Variants in CWF19L1 observed in about 807,000 individuals in gnomAD.
CWF19L1 encodes the protein CWF19 like cell cycle control factor 1.
In CWF19L1, 60 loss-of-function variants were observed where a neutral mutation model predicts 69.7. The observed-to-expected ratio is 0.86, with a 90% confidence interval of 0.70 to 1.07. The LOEUF (loss-of-function observed/expected upper bound fraction) is 1.07, where lower values mean the gene tolerates loss of function less well. CWF19L1 is among the 50% of genes least tolerant of loss of function. CWF19L1 has a pLI of 0.00. For synonymous variants in CWF19L1, 209 were observed against 222.2 expected (o/e 0.94, Z 0.53); for missense variants, 591 against 638.9 (o/e 0.92, Z 0.81).
chr10:100,248,235 T>C, intron 7 of CWF19L1: 1 of 850,750 alleles, frequency 1.2e-6, no homozygotes, highest in Non-Finnish European at 1.9e-6. Context: ...TGGAAGCAGG[T>C]ATGAAAGGGT....
In CWF19L1 at chr10:100,236,858, T is replaced by C. The variant is rs1245672527; in HGVS notation, c.1366A>G (p.Ile456Val). 6.3e-7 allele frequency: 1 copy of C among 1,597,244 alleles called. No homozygotes were observed. Among genetic ancestry groups the C allele is most frequent in the Non-Finnish European group, 8.5e-7 (1 of 1,174,390 alleles). Residue 456 changes from isoleucine (I) to valine (V), a missense_variant, in exon 12 of 14, where the codon ATC becomes GTC. Coordinates refer to ENST00000354105, the MANE Select transcript of CWF19L1 (RefSeq NM_018294.6). Reference sequence around the variant, plus strand: ...ACCATCCCCTGTTTCACCTGCTTGATGTCAGAGTGCTCTGGGATTTCCAAC... The same window carrying C: ...ACCATCCCCTGTTTCACCTGCTTGACGTCAGAGTGCTCTGGGATTTCCAAC... ...ELLEIPEHSD[I>V]KQIAQPGAAY...
chr10:100,238,273 G>T, intron 10 of CWF19L1, 42 bp from the exon 11 acceptor site: 1 of 1,575,748 alleles, frequency 6.3e-7, no homozygotes, highest in Non-Finnish European at 8.7e-7. Flanking sequence ...AATACAGCAT[G>T]TAGGATTCTC....
At chr10:100,250,154 G>A in intron 7 of CWF19L1, 94 bp downstream of exon 7, 2 of 869,914 alleles carry the variant, frequency 2.3e-6, no homozygotes, top group Non-Finnish European at 3.9e-6. Flanking sequence ...TGCAGTCAGG[G>A]AGAAGAGAAG....
At chr10:100,259,132 C>T (rs142405067) in intron 4 of CWF19L1, among the ~76,000 whole-genome samples, 2,144 of 149,196 alleles carry the variant, frequency 0.014, 31 homozygotes, top group Non-Finnish European at 0.026. Context: ...ACCAGGGAGT[C>T]GGATGTTGCA....
intron 9 of CWF19L1, 64 bp from the exon 10 acceptor site, chr10:100,243,841 A>G (rs1366133831): frequency 7.7e-7 from 1 of 1,305,158 alleles, no homozygotes; most frequent in Non-Finnish European, 1.1e-6. Context: ...ATCACCCCAC[A>G]GAACTCAGCT....
chr10:100,239,106 C>CA (rs750867054), intron 10 of CWF19L1, among the ~76,000 whole-genome samples: 41 of 146,590 alleles, frequency 2.8e-4, no homozygotes, highest in Non-Finnish European at 3.3e-4. Context: ...CAAAAGCAAA[C>CA]ATACAACCTA....
At chr10:100,245,262 C>A (rs1192060674) in intron 9 of CWF19L1, among the ~76,000 whole-genome samples, 1 of 152,084 alleles carries the variant, frequency 6.6e-6, no homozygotes, top group Non-Finnish European at 1.5e-5. Flanking sequence ...AACTTGTGAT[C>A]CGCCTGGCTC....
chr10:100,254,556 A>T (rs555300651), intron 5 of CWF19L1: 1 of 152,202 alleles, frequency 6.6e-6, no homozygotes, highest in South Asian at 2.1e-4. Flanking sequence ...GTAAAGCAGG[A>T]ATTTCCTTTT....
At chr10:100,252,099 G>A (rs1371067210) in intron 6 of CWF19L1, among the ~76,000 whole-genome samples, 1 of 152,170 alleles carries the variant, frequency 6.6e-6, no homozygotes, top group Non-Finnish European at 1.5e-5. Context: ...AGGGAAAGAA[G>A]TTATTTTAGG....
chr10:100,233,492 G>T, intron 13 of CWF19L1, 121 bp from the exon 14 acceptor site: 1 of 886,166 alleles, frequency 1.1e-6, no homozygotes, highest in Non-Finnish European at 1.7e-6. Flanking sequence ...TGCCATCTCT[G>T]CCATACTATT....
chr10:100,242,010 T>C (rs990603816), intron 10 of CWF19L1, among the ~76,000 whole-genome samples: 2 of 152,096 alleles, frequency 1.3e-5, no homozygotes, highest in East Asian at 3.9e-4. Flanking sequence ...AGAACAATGG[T>C]CTACAGAAAA....
intron 1 of CWF19L1, among the ~76,000 whole-genome samples, chr10:100,266,449 G>T (rs1302920983): frequency 6.6e-6 from 1 of 151,648 alleles, no homozygotes; most frequent in African/African-American, 2.4e-5. Flanking sequence ...TTGGCCTCCG[G>T]AGTCGCTGGG....
chr10:100,244,827 G>A (rs1288874711), intron 9 of CWF19L1, among the ~76,000 whole-genome samples: 1 of 150,734 alleles, frequency 6.6e-6, no homozygotes, highest in Non-Finnish European at 1.5e-5. Flanking sequence ...CTAATTTTTT[G>A]TATTTTTAGT....
At chr10:100,246,995 A>G (rs1053538039) in intron 7 of CWF19L1, 60 bp from the exon 8 acceptor site, 43 of 1,434,990 alleles carry the variant, frequency 3.0e-5, no homozygotes, top group Non-Finnish European at 4.0e-5. Flanking sequence ...ACTGTAATCA[A>G]CCTATTTTAC....
chr10:100,238,206 C>T lies in CWF19L1; in HGVS notation c.1070G>A (p.Gly357Asp). The T allele has an allele frequency of 6.2e-7, 1 of 1,614,182 alleles. No homozygotes were observed. Among genetic ancestry groups the T allele is most frequent in the Non-Finnish European group, 8.5e-7 (1 of 1,180,030 alleles). The change falls in exon 11 of 14, where the codon GGC becomes GAC. Residue 357 changes from glycine to aspartate, a missense_variant. This residue lies in a region of CWF19L1 where 458 missense variants were observed against 489.3 expected (regional missense o/e 0.94). Coordinates refer to ENST00000354105, the MANE Select transcript of CWF19L1 (RefSeq NM_018294.6). The stretch of plus-strand genomic sequence containing the variant: ...GATGAGGACATGGTCATCAGATAAG[C>T]CTCCTTTGGCCAGGGCAAGGTAGCA... ...THCYLALAKG[G>D]LSDDHVLILP...
chr10:100,237,128 A>G, intron 11 of CWF19L1, 159 bp from the exon 12 acceptor site: 1 of 908,362 alleles, frequency 1.1e-6, no homozygotes, highest in Middle Eastern at 2.2e-4. Flanking sequence ...CCTGTCTGTA[A>G]GGACTTAAAC....
At chr10:100,236,109 T>TC (rs1363194750) in intron 12 of CWF19L1, among the ~76,000 whole-genome samples, 1 of 147,788 alleles carries the variant, frequency 6.8e-6, no homozygotes, top group African/African-American at 2.6e-5. Context: ...CTCTTTTTTT[T>TC]TTTTTTTTTT....
intron 7 of CWF19L1, among the ~76,000 whole-genome samples, 195 bp from the exon 8 acceptor site, chr10:100,247,130 C>T (rs140160947): frequency 4.3e-4 from 66 of 152,128 alleles, no homozygotes; most frequent in Non-Finnish European, 6.9e-4. Flanking sequence ...CAGGGGCTCA[C>T]CAAGGGTTGA....
At chr10:100,264,110 A>G (rs1481298724) in intron 1 of CWF19L1, among the ~76,000 whole-genome samples, 2 of 152,238 alleles carry the variant, frequency 1.3e-5, no homozygotes, top group African/African-American at 4.8e-5. Flanking sequence ...ATAGTGCAAT[A>G]TATTACTCAT....
Sources: allele counts gnomAD v4.1 joint callset (sites outside exome capture counted in the v4.1 genomes callset), GRCh38; gene constraint gnomAD v4.1.1; regional missense constraint gnomAD v4.1.1; transcripts MANE v1.5; gene names NCBI Gene and HGNC (gene_info 2026-07-23, HGNC 2026-07-21).